ANO1: variants seen among roughly 807,000 people sequenced by gnomAD.
ANO1 encodes anoctamin 1.
ANO1 carries 59 observed loss-of-function variants against 124.0 expected under a neutral mutation model. That is an observed-to-expected ratio of 0.48 (90% CI 0.39 to 0.59). ANO1 has a LOEUF of 0.59. ANO1 is among the 20% of genes least tolerant of loss of function. The probability of loss-of-function intolerance (pLI) is 0.00; values close to 1 mark genes in which losing one functional copy is unlikely to be tolerated. For synonymous variants in ANO1, 529 were observed against 532.0 expected (o/e 0.99, Z 0.08); for missense variants, 1,059 against 1,328.0 (o/e 0.80, Z 3.15).
At chr11:70,152,344 A>AG in intron 12 of ANO1, 106 bp from the exon 13 acceptor site, 1 of 954,042 alleles carries the variant, frequency 1.0e-6, no homozygotes, top group East Asian at 3.0e-5. Flanking sequence ...CAAAAAAAAA[A>AG]AAAAAAAAAA....
intron 1 of ANO1, among the ~76,000 whole-genome samples, chr11:70,045,574 T>C (rs1271087553): frequency 1.3e-5 from 2 of 152,198 alleles, no homozygotes. Flanking sequence ...GGCAAATGCT[T>C]GATCTGTTCA....
chr11:70,128,027 T>A (rs2046592714), intron 10 of ANO1, among the ~76,000 whole-genome samples: 1 of 152,238 alleles, frequency 6.6e-6, no homozygotes, highest in African/African-American at 2.4e-5. Context: ...AGAAAATGTA[T>A]CCACTGAGCC....
intron 21 of ANO1, among the ~76,000 whole-genome samples, chr11:70,168,902 A>C (rs2048353855): frequency 6.6e-6 from 1 of 152,094 alleles, no homozygotes; most frequent in Admixed American, 6.5e-5. Context: ...CTTGCCATTG[A>C]CTCAGGAGGA....
At chr11:70,122,025 T>C (rs1408351228) in intron 8 of ANO1, among the ~76,000 whole-genome samples, 7 of 132,950 alleles carry the variant, frequency 5.3e-5, no homozygotes, top group South Asian at 2.8e-4. Context: ...TCTCTCTCCA[T>C]CTCCCCCGCC....
intron 1 of ANO1, among the ~76,000 whole-genome samples, chr11:70,010,184 T>TATATATATATAC (rs1555000868): frequency 1.5e-5 from 2 of 135,340 alleles, no homozygotes; most frequent in African/African-American, 5.5e-5. Context: ...TGTGTGTATA[T>TATATATATATAC]ATATATATAT....
intron 2 of ANO1, among the ~76,000 whole-genome samples, chr11:70,099,049 C>G (rs1463181989): frequency 3.3e-5 from 5 of 152,166 alleles, no homozygotes; most frequent in Non-Finnish European, 7.3e-5. Context: ...CTGACTCTGT[C>G]CCCTTGCAGA....
intron 22 of ANO1, among the ~76,000 whole-genome samples, chr11:70,177,610 T>TA (rs1565282105): frequency 1.4e-5 from 2 of 141,814 alleles, no homozygotes; most frequent in Non-Finnish European, 3.1e-5. Context: ...TTTTTTTTTT[T>TA]TTTTTTTGAG....
intron 1 of ANO1, among the ~76,000 whole-genome samples, chr11:70,062,827 A>G (rs1555007951): frequency 6.6e-6 from 1 of 152,094 alleles, no homozygotes; most frequent in African/African-American, 2.4e-5. Flanking sequence ...CTAGACGAGC[A>G]CTCTGTAAAT....
the ANO1 span, among the ~76,000 whole-genome samples, chr11:69,979,205 G>A: frequency 6.6e-6 from 1 of 152,132 alleles, no homozygotes; most frequent in Non-Finnish European, 1.5e-5. Context: ...TGAATGACAG[G>A]GACTAAAGAT....
chr11:70,184,109 G>A (rs2049022931), intron 24 of ANO1, among the ~76,000 whole-genome samples: 1 of 152,176 alleles, frequency 6.6e-6, no homozygotes, highest in African/African-American at 2.4e-5. Flanking sequence ...GGGCACAAAC[G>A]GCCCCTGAGC....
chr11:70,098,760 C>T (rs2045124651), intron 2 of ANO1, among the ~76,000 whole-genome samples: 1 of 152,214 alleles, frequency 6.6e-6, no homozygotes, highest in Non-Finnish European at 1.5e-5. Flanking sequence ...TAGAAGCACA[C>T]AGGGCCACCG....
intron 1 of ANO1, among the ~76,000 whole-genome samples, chr11:70,069,709 C>T (rs1009959350): frequency 5.9e-5 from 9 of 151,964 alleles, no homozygotes; most frequent in Admixed American, 5.2e-4. Flanking sequence ...CGATAATCTA[C>T]GTTAGAGGCG....
At chr11:70,176,436 C>A (rs1231148696) in intron 22 of ANO1, among the ~76,000 whole-genome samples, 1 of 152,142 alleles carries the variant, frequency 6.6e-6, no homozygotes, top group Non-Finnish European at 1.5e-5. Context: ...CATGAGCCAC[C>A]ACACCCGGCC....
At chr11:70,046,565 G>A (rs369640155) in intron 1 of ANO1, among the ~76,000 whole-genome samples, 13 of 152,164 alleles carry the variant, frequency 8.5e-5, no homozygotes, top group Non-Finnish European at 1.3e-4. Context: ...GAGACTACCC[G>A]GCCACTGAGA....
chr11:70,174,803 G>A (rs1178868908), intron 22 of ANO1, among the ~76,000 whole-genome samples: 1 of 152,148 alleles, frequency 6.6e-6, no homozygotes, highest in Non-Finnish European at 1.5e-5. Flanking sequence ...AGGGGACCCT[G>A]GGTCTGCTCA....
At chr11:70,158,469 C>G (rs1405435607) in intron 16 of ANO1, among the ~76,000 whole-genome samples, 1 of 152,266 alleles carries the variant, frequency 6.6e-6, no homozygotes, top group African/African-American at 2.4e-5. Context: ...CCATCCCCCT[C>G]CTGCTGATAC....
At chr11:70,097,376 C>T (rs1451226607) in intron 2 of ANO1, among the ~76,000 whole-genome samples, 1 of 152,184 alleles carries the variant, frequency 6.6e-6, no homozygotes, top group Non-Finnish European at 1.5e-5. Context: ...TGCTTCATAG[C>T]AGTGTCCCTG....
chr11:70,095,275 G>GGAAGGAAGGAAGGAAGGAAGGAAA (rs756506902), intron 2 of ANO1, among the ~76,000 whole-genome samples: 1 of 81,264 alleles, frequency 1.2e-5, no homozygotes, highest in Admixed American at 1.2e-4. Context: ...AAGGAAGGAA[G>GGAAGGAAGGAAGGAAGGAAGGAAA]GAAGGAAGGA....
intron 2 of ANO1, among the ~76,000 whole-genome samples, chr11:70,095,304 GAAAGA>G (rs1415797260): frequency 2.9e-5 from 2 of 68,352 alleles, no homozygotes; most frequent in African/African-American, 1.1e-4. Context: ...AGGAAGGAAA[GAAAGA>G]AAGAAAGAAA....
Sources: allele counts gnomAD v4.1 joint callset (sites outside exome capture counted in the v4.1 genomes callset), GRCh38; gene constraint gnomAD v4.1.1; transcripts MANE v1.5; gene names NCBI Gene and HGNC (gene_info 2026-07-23, HGNC 2026-07-21).